The following PRPF3 variants were observed in gnomAD, a reference collection of about 807,000 sequenced individuals.
PRPF3 encodes the protein U4/U6 small nuclear ribonucleoprotein Prp3.
In PRPF3, 3 loss-of-function variants were observed where a neutral mutation model predicts 89.2. The observed-to-expected ratio is 0.03, with a 90% CI of 0.02 to 0.09. The LOEUF is 0.09. Among genes scored for constraint, PRPF3 ranks in the 10% least tolerant of loss-of-function variants. The pLI is 1.00. For missense variants in PRPF3, 463 were observed against 828.8 expected (o/e 0.56, Z 5.42); for synonymous variants, 270 against 289.1 (o/e 0.93, Z 0.67).
intron 15 of PRPF3, among the ~76,000 whole-genome samples, chr1:150,352,550 A>G (rs1659041198): frequency 6.6e-6 from 1 of 152,164 alleles, no homozygotes; most frequent in African/African-American, 2.4e-5. Context: ...CTGTAGTCCC[A>G]GCTACTCCAG....
At chr1:150,326,550 G>T (rs1211856315) in intron 3 of PRPF3, among the ~76,000 whole-genome samples, 1 of 148,094 alleles carries the variant, frequency 6.8e-6, no homozygotes, top group East Asian at 2.0e-4. Flanking sequence ...CTCTTTAGGA[G>T]AAAAAAAAAA....
intron 7 of PRPF3, 79 bp downstream of exon 7, chr1:150,335,320 C>G (rs1289976889): frequency 1.3e-6 from 2 of 1,500,800 alleles, no homozygotes; most frequent in Non-Finnish European, 1.8e-6. Context: ...TCTCTGTGTT[C>G]TAGGAAATTA....
intron 5 of PRPF3, 86 bp downstream of exon 5, chr1:150,332,853 GACT>G (rs1194106939): frequency 2.0e-6 from 3 of 1,514,754 alleles, no homozygotes; most frequent in Admixed American, 3.6e-5. Flanking sequence ...TAGAAGAGGT[GACT>G]ACATGTTTCA....
chr1:150,333,314 C>A, intron 6 of PRPF3, 115 bp downstream of exon 6: 1 of 1,163,532 alleles, frequency 8.6e-7, no homozygotes, highest in Non-Finnish European at 1.2e-6. Flanking sequence ...AATCGTAGCA[C>A]TTTGGGAGGC....
At chr1:150,332,886 A>G (rs1360691771) in intron 5 of PRPF3, 93 bp from the exon 6 acceptor site, 3 of 1,489,134 alleles carry the variant, frequency 2.0e-6, no homozygotes, top group East Asian at 2.3e-5. Context: ...CATCTGCTAC[A>G]GTCTACCATG....
intron 12 of PRPF3, among the ~76,000 whole-genome samples, chr1:150,345,340 A>ATATTTTAT (rs1342817878): frequency 1.3e-5 from 2 of 150,906 alleles, no homozygotes; most frequent in African/African-American, 4.9e-5. Flanking sequence ...TCCTATATAT[A>ATATTTTAT]TATTTTATTT....
chr1:150,345,841 G>C, intron 12 of PRPF3, 177 bp from the exon 13 acceptor site: 3 of 690,900 alleles, frequency 4.3e-6, no homozygotes, highest in Non-Finnish European at 7.9e-6. Context: ...ATGTAAGAGT[G>C]TGGAAATATT....
chr1:150,340,620 T>G, intron 9 of PRPF3, 143 bp downstream of exon 9: 1 of 718,112 alleles, frequency 1.4e-6, no homozygotes, highest in Non-Finnish European at 2.4e-6. Context: ...TTCAGTTTTT[T>G]TCCTGACAAT....
At chr1:150,341,702 G>A (rs1237497294) in intron 9 of PRPF3, among the ~76,000 whole-genome samples, 1 of 113,070 alleles carries the variant, frequency 8.8e-6, no homozygotes, top group Non-Finnish European at 1.9e-5. Context: ...CACCGCGCCC[G>A]GCCTTTTTTT....
chr1:150,329,534 T>C (rs1350482066), intron 4 of PRPF3, among the ~76,000 whole-genome samples: 4 of 152,190 alleles, frequency 2.6e-5, no homozygotes, highest in Non-Finnish European at 5.9e-5. Context: ...CAGAGGAGAC[T>C]CTCCAAACAT....
rs782057860 is a variant in PRPF3 at position 150,340,520 on chromosome 1, C to T, written c.1282+43C>T. On this transcript the variant is annotated intron_variant, in intron 9 of 15. Coordinates refer to ENST00000324862, the MANE Select transcript of PRPF3 (RefSeq NM_004698.4). The stretch of plus-strand genomic sequence containing the variant: ...GAATCAAGTCTCTAGAGCAGCATTA[C>T]CCATTGGAAATTTATACAGTGAGGA... The T allele has an allele frequency of 3.5e-6, 5 of 1,447,042 alleles. No homozygotes were observed. In the African/African-American group the frequency reaches 7.0e-5, roughly 20 times the overall value. 89.6% of individuals were successfully genotyped at this position (1,447,042 alleles called of 1,614,324 possible). A position where few individuals can be genotyped will look rare whatever the true frequency, so the allele number is the denominator to read the frequency against.
In PRPF3 at chr1:150,346,003, C is replaced by A; in HGVS notation, c.1641-15C>A. On this transcript the variant is annotated splice_polypyrimidine_tract_variant and intron_variant, in intron 12 of 15. Coordinates refer to ENST00000324862, the MANE Select transcript of PRPF3 (RefSeq NM_004698.4). ...TGCTAAAATGGAAGACATAACTAAA[C>A]TTTCCCTTCTCCAGAGTTCGAAATT... The A allele has an allele frequency of 1.2e-6, 2 of 1,600,968 alleles. No homozygotes were observed. The highest frequency in any genetic ancestry group is 1.7e-6 in the Non-Finnish European group (2 of 1,168,386).
intron 7 of PRPF3, among the ~76,000 whole-genome samples, chr1:150,336,699 T>C (rs1299757679): frequency 2.6e-5 from 4 of 151,972 alleles, no homozygotes; most frequent in East Asian, 3.8e-4. Flanking sequence ...GAGGTTGCAG[T>C]GAGCTGAGAT....
rs41300865 is a variant in PRPF3, at chr1:150,352,755, A to G, written c.1906-78A>G. On this transcript the variant is annotated intron_variant, in intron 15 of 15. Coordinates refer to ENST00000324862, the MANE Select transcript of PRPF3 (RefSeq NM_004698.4). The stretch of plus-strand genomic sequence containing the variant: ...GCTGGGCACATGTCTCACAAATGTT[A>G]CTAGGTCTTCTTATAAAAGAATATT... 0.1 allele frequency: 153,350 copies of G among 1,482,314 alleles called. 9,029 individuals are homozygous for G. The highest frequency in any genetic ancestry group is 0.12 in the Non-Finnish European group (128,294 of 1,073,270). The allele number at this position is 1,482,314 out of a possible 1,614,324, so 91.8% of individuals were successfully genotyped here. A position where few individuals can be genotyped will look rare whatever the true frequency, so the allele number is the denominator to read the frequency against.
intron 8 of PRPF3, 125 bp downstream of exon 8, chr1:150,338,451 A>C (rs1572240806): frequency 5.0e-6 from 5 of 1,003,144 alleles, no homozygotes; most frequent in African/African-American, 3.3e-5. Context: ...CATTAATTAA[A>C]ATTTTTAAAT....
At chr1:150,348,460 A>ATTTTTTTTTTTTTTT (rs1185909509) in intron 14 of PRPF3, among the ~76,000 whole-genome samples, 2,974 of 48,278 alleles carry the variant, frequency 0.062, 925 homozygotes, top group East Asian at 0.096. Context: ...CTACACGTGC[A>ATTTTTTTTTTTTTTT]TTTTTTTTTT....
At chr1:150,336,849 A>C (rs1657060234) in intron 7 of PRPF3, among the ~76,000 whole-genome samples, 1 of 151,874 alleles carries the variant, frequency 6.6e-6, no homozygotes, top group African/African-American at 2.4e-5. Flanking sequence ...AAATATTATG[A>C]AATTGAGTTT....
At chr1:150,340,789 G>C (rs2101999641) in intron 9 of PRPF3, among the ~76,000 whole-genome samples, 1 of 152,072 alleles carries the variant, frequency 6.6e-6, no homozygotes, top group South Asian at 2.1e-4. Flanking sequence ...AGACCAGTCT[G>C]GGCAACACAG....
intron 9 of PRPF3, among the ~76,000 whole-genome samples, chr1:150,341,639 C>T (rs2102003428): frequency 1.3e-5 from 2 of 151,778 alleles, no homozygotes; most frequent in Non-Finnish European, 2.9e-5. Flanking sequence ...CTCCTGACCT[C>T]AGGTGATCTG....
Sources: allele counts gnomAD v4.1 joint callset (sites outside exome capture counted in the v4.1 genomes callset), GRCh38; gene constraint gnomAD v4.1.1; transcripts MANE v1.5; gene names NCBI Gene and HGNC (gene_info 2026-07-23, HGNC 2026-07-21).